CNTNAP2: variants seen among roughly 807,000 people sequenced by gnomAD.
CNTNAP2 encodes the protein contactin-associated protein-like 2.
Under a neutral mutation model 155.2 loss-of-function variants are expected in CNTNAP2, and 98 were observed. That is an observed-to-expected ratio of 0.63 (90% CI 0.54 to 0.75). The LOEUF (loss-of-function observed/expected upper bound fraction) is 0.75, where lower values mean the gene tolerates loss of function less well. Ranked by LOEUF, CNTNAP2 falls within the 30% of genes least tolerant of loss-of-function variation. CNTNAP2 has a pLI of 0.00. For synonymous variants in CNTNAP2, 651 were observed against 631.2 expected (o/e 1.03, Z -0.47); for missense variants, 1,727 against 1,688.1 (o/e 1.02, Z -0.40).
chr7:146,464,192 T>TTTG (rs1796682633), intron 1 of CNTNAP2, among the ~76,000 whole-genome samples: 3 of 149,446 alleles, frequency 2.0e-5, no homozygotes. Context: ...AAACTGTTTT[T>TTTG]TTTTTTTTTT....
At chr7:147,492,193 G>A (rs1016194742) in intron 11 of CNTNAP2, among the ~76,000 whole-genome samples, 3 of 152,132 alleles carry the variant, frequency 2.0e-5, no homozygotes, top group African/African-American at 7.2e-5. Flanking sequence ...GGCATTAGTT[G>A]AATTCTCATA....
At chr7:147,989,652 C>T (rs1801676882) in intron 15 of CNTNAP2, among the ~76,000 whole-genome samples, 1 of 152,214 alleles carries the variant, frequency 6.6e-6, no homozygotes. Flanking sequence ...AGCCATTTAG[C>T]TTCTCCTAAT....
At chr7:146,468,478 C>T (rs1039884063) in intron 1 of CNTNAP2, among the ~76,000 whole-genome samples, 13 of 151,336 alleles carry the variant, frequency 8.6e-5, no homozygotes, top group African/African-American at 2.7e-4. Context: ...ATCTGGGTAA[C>T]ACAGGAAGTG....
intron 3 of CNTNAP2, among the ~76,000 whole-genome samples, chr7:146,911,662 G>C (rs562188277): frequency 3.2e-5 from 4 of 123,622 alleles, no homozygotes; most frequent in Non-Finnish European, 5.0e-5. Flanking sequence ...GTGGTGGGGT[G>C]GGGGGAGGGG....
chr7:146,810,998 G>A (rs186812663), intron 2 of CNTNAP2, among the ~76,000 whole-genome samples: 72 of 152,276 alleles, frequency 4.7e-4, no homozygotes, highest in African/African-American at 1.7e-3. Flanking sequence ...GTTGATCACA[G>A]TGTAGACCTT....
chr7:147,129,270 G>T (rs1423030408), intron 7 of CNTNAP2, among the ~76,000 whole-genome samples: 1 of 152,112 alleles, frequency 6.6e-6, no homozygotes, highest in Non-Finnish European at 1.5e-5. Flanking sequence ...TTCCAAAGAT[G>T]ATTTGTTTGA....
intron 3 of CNTNAP2, among the ~76,000 whole-genome samples, chr7:146,856,009 G>C (rs940114714): frequency 6.6e-6 from 1 of 151,240 alleles, no homozygotes; most frequent in African/African-American, 2.4e-5. Context: ...ATTTTACCAG[G>C]TTGTGGTCGA....
chr7:147,737,682 G>A (rs967314909), intron 13 of CNTNAP2, among the ~76,000 whole-genome samples: 7 of 152,150 alleles, frequency 4.6e-5, no homozygotes, highest in Non-Finnish European at 8.8e-5. Flanking sequence ...TGAGTTTCCC[G>A]GCCACTTTGT....
At chr7:146,348,314 A>G (rs1794848038) in intron 1 of CNTNAP2, among the ~76,000 whole-genome samples, 1 of 152,134 alleles carries the variant, frequency 6.6e-6, no homozygotes, top group Non-Finnish European at 1.5e-5. Context: ...AATCCCAGCT[A>G]TTTGGGAGAC....
chr7:147,848,328 G>C (rs190932763), intron 13 of CNTNAP2, among the ~76,000 whole-genome samples: 5,705 of 150,412 alleles, frequency 0.038, 178 homozygotes, highest in Middle Eastern at 0.056. Context: ...GGTCTGAAAA[G>C]TGCAATATTC....
intron 18 of CNTNAP2, among the ~76,000 whole-genome samples, chr7:148,187,346 G>C (rs116115673): frequency 5.8e-4 from 89 of 152,262 alleles, no homozygotes; most frequent in African/African-American, 2.1e-3. Context: ...TCTGACATGA[G>C]AGACCACTTT....
intron 1 of CNTNAP2, among the ~76,000 whole-genome samples, chr7:146,256,421 T>G (rs1320432012): frequency 2.6e-5 from 4 of 151,880 alleles, no homozygotes; most frequent in African/African-American, 9.7e-5. Context: ...ATTTAAAGAG[T>G]TTTCTTTAGA....
intron 1 of CNTNAP2, among the ~76,000 whole-genome samples, chr7:146,268,091 A>C (rs1441174500): frequency 6.6e-6 from 1 of 152,200 alleles, no homozygotes; most frequent in East Asian, 1.9e-4. Flanking sequence ...TGTTAATATT[A>C]TAACTTCTTC....
chr7:147,586,108 T>G lies in CNTNAP2; in HGVS notation c.1897+23851T>G, dbSNP rs1038993729. Reference sequence around the variant, plus strand: ...TAGGTAAATTAAAAGATTTTCTGATTGGCAATTGATTGAAAGAGTTTAATT... The same window carrying G: ...TAGGTAAATTAAAAGATTTTCTGATGGGCAATTGATTGAAAGAGTTTAATT... On this transcript the variant is annotated intron_variant, in intron 12 of 23. Coordinates refer to ENST00000361727, the MANE Select transcript of CNTNAP2 (RefSeq NM_014141.6). 4.6e-5 allele frequency among the ~76,000 whole-genome samples: 7 copies of G among 152,136 alleles called. 1 individual carries two copies. Among genetic ancestry groups the G allele is most frequent in the African/African-American group, 1.2e-4 (5 of 41,434 alleles).
rs149763313 is a variant in CNTNAP2 at position 147,989,276 on chromosome 7, C to T, written c.2383+11287C>T. Among the ~76,000 whole-genome samples the T allele has an allele frequency of 5.6e-4, 86 of 152,302 alleles. 1 individual carries two copies. The East Asian group carries it at 0.016, about 28-fold the overall frequency. On this transcript the variant is annotated intron_variant, in intron 15 of 23. Transcript: ENST00000361727. Reference sequence around the variant, plus strand: ...GAACAGCACAGACTTTGGAATCACACCCACCTGGGTCCAAATCCCAACTTT... The same window carrying T: ...GAACAGCACAGACTTTGGAATCACATCCACCTGGGTCCAAATCCCAACTTT...
At chr7:147,106,694 G>A (rs960988455) in intron 4 of CNTNAP2, among the ~76,000 whole-genome samples, 1 of 152,090 alleles carries the variant, frequency 6.6e-6, no homozygotes, top group Non-Finnish European at 1.5e-5. Context: ...TGATTTGAAA[G>A]GCATGCTTAG....
Position 146,885,931 on chromosome 7 carries a change from GTGTGT to G in CNTNAP2, c.402+46028_402+46032del, listed in dbSNP as rs1795648374. Among the ~76,000 whole-genome samples, 40 of 11,356 alleles carry G rather than the reference GTGTGT, an allele frequency of 3.5e-3. No individual in the cohort carries two copies. The African/African-American group carries it at 0.05, about 14-fold the overall frequency. 7.4% of individuals were successfully genotyped at this position (11,356 alleles called of 152,430 possible). A position where few individuals can be genotyped will look rare whatever the true frequency, so the allele number is the denominator to read the frequency against. ...TAACTCTGAATATATGTAAGTCGGT[GTGTGT>G]GTGTGTGTGTGTGTGTGTGTGTGTG... On this transcript the variant is annotated intron_variant, in intron 3 of 23. Coordinates refer to ENST00000361727, the MANE Select transcript of CNTNAP2 (RefSeq NM_014141.6).
chr7:147,287,083 T>A (rs1805196809), intron 8 of CNTNAP2, among the ~76,000 whole-genome samples: 1 of 152,048 alleles, frequency 6.6e-6, no homozygotes, highest in South Asian at 2.1e-4. Flanking sequence ...ACCACAGCAA[T>A]GGGATTTTGC....
rs1491116224 is a variant in CNTNAP2, at chr7:146,337,299, CAT to C, written c.97+220328_97+220329del. Among the ~76,000 whole-genome samples, 7 of 127,982 alleles carry C rather than the reference CAT, an allele frequency of 5.5e-5. No individual in the cohort carries two copies. In the East Asian group the frequency reaches 1.5e-3, roughly 28 times the overall value. The allele number at this position is 127,982 out of a possible 152,430, so 84.0% of individuals were successfully genotyped here. On this transcript the variant is annotated intron_variant, in intron 1 of 23. Coordinates refer to ENST00000361727, the MANE Select transcript of CNTNAP2 (RefSeq NM_014141.6). ...ATGATTTTACATGAGGTTGTTCTAACATAAAAAAAAAAAAACAAACTACGTAA... is the reference window on the plus strand; with the variant it reads ...ATGATTTTACATGAGGTTGTTCTAACAAAAAAAAAAAAACAAACTACGTAA...
Sources: allele counts gnomAD v4.1 joint callset (sites outside exome capture counted in the v4.1 genomes callset), GRCh38; gene constraint gnomAD v4.1.1; transcripts MANE v1.5; gene names NCBI Gene and HGNC (gene_info 2026-07-23, HGNC 2026-07-21).